The following OXR1 variants were observed in gnomAD, a reference collection of about 807,000 sequenced individuals.
OXR1 encodes oxidation resistance protein 1.
Under a neutral mutation model 104.6 loss-of-function variants are expected in OXR1, and 41 were observed. The observed-to-expected ratio is 0.39, with a 90% CI of 0.31 to 0.51. OXR1 has a LOEUF of 0.51. OXR1 is among the 20% of genes least tolerant of loss of function. OXR1 has a pLI of 0.77. For synonymous variants in OXR1, 348 were observed against 348.4 expected, an observed-to-expected ratio of 1.00 and a Z score of 0.01; for missense variants, 955 against 1,031.9, an observed-to-expected ratio of 0.93 and a Z score of 1.02.
At chr8:106,485,811 A>G (rs1302487823) in intron 2 of OXR1, among the ~76,000 whole-genome samples, 3 of 152,114 alleles carry the variant, frequency 2.0e-5, no homozygotes, top group Non-Finnish European at 4.4e-5. Context: ...TTGGGATAAC[A>G]TGGATGAACC....
intron 2 of OXR1, among the ~76,000 whole-genome samples, chr8:106,456,359 CTGGGCTTCT>C (rs1395922706): frequency 1.3e-5 from 2 of 152,012 alleles, no homozygotes; most frequent in African/African-American, 4.8e-5. Context: ...TAAGGATTTT[CTGGGCTTCT>C]AGTATACTCC....
chr8:106,686,846 T>C (rs1828782635), intron 6 of OXR1, among the ~76,000 whole-genome samples: 1 of 152,228 alleles, frequency 6.6e-6, no homozygotes, highest in Non-Finnish European at 1.5e-5. Flanking sequence ...AACTATTTTT[T>C]CTTTATTTTT....
At chr8:106,623,818 G>A (rs1207419047) in intron 3 of OXR1, among the ~76,000 whole-genome samples, 1 of 152,192 alleles carries the variant, frequency 6.6e-6, no homozygotes, top group Non-Finnish European at 1.5e-5. Context: ...GTTATTGAAA[G>A]GCTGTGTTGA....
intron 2 of OXR1, among the ~76,000 whole-genome samples, chr8:106,516,098 C>G (rs1263875374): frequency 6.6e-6 from 1 of 151,996 alleles, no homozygotes; most frequent in Non-Finnish European, 1.5e-5. Flanking sequence ...TTTCTCTGTT[C>G]CAGCCATTGT....
At chr8:106,566,208 T>A (rs1817060289) in intron 3 of OXR1, among the ~76,000 whole-genome samples, 1 of 151,896 alleles carries the variant, frequency 6.6e-6, no homozygotes, top group South Asian at 2.1e-4. Context: ...TGGGAGAAAA[T>A]TTTTGCCATC....
At chr8:106,360,810 C>T (rs945095799) in intron 2 of OXR1, among the ~76,000 whole-genome samples, 8 of 152,032 alleles carry the variant, frequency 5.3e-5, no homozygotes, top group Admixed American at 2.6e-4. Context: ...GACCTTGACA[C>T]GTTTCCTTAA....
At chr8:106,350,542 A>G (rs1184065739) in intron 1 of OXR1, among the ~76,000 whole-genome samples, 1 of 152,212 alleles carries the variant, frequency 6.6e-6, no homozygotes, top group Non-Finnish European at 1.5e-5. Context: ...CCATGAAATG[A>G]CTTTAATACA....
chr8:106,380,475 GTA>G (rs1046145032), intron 2 of OXR1, among the ~76,000 whole-genome samples: 1 of 152,116 alleles, frequency 6.6e-6, no homozygotes, highest in Non-Finnish European at 1.5e-5. Context: ...TTTCTCTTGG[GTA>G]TATACTTAGA....
rs954198018 is a variant in OXR1, at chr8:106,686,993, T to C, written c.525+2634T>C. 2.0e-5 allele frequency among the ~76,000 whole-genome samples: 3 copies of C among 152,296 alleles called. No individual in the cohort carries two copies. In the East Asian group the frequency reaches 5.8e-4, roughly 29 times the overall value. Reference sequence around the variant, plus strand: ...AAGCACTTTAAAAGTATTATTTATTTCTTATCTCAAATTTATGAGGTAGGC... The same window carrying C: ...AAGCACTTTAAAAGTATTATTTATTCCTTATCTCAAATTTATGAGGTAGGC... On this transcript the variant is annotated intron_variant, in intron 6 of 16. Transcript: ENST00000517566.
chr8:106,288,469 C>T (rs981593453), intron 1 of OXR1, among the ~76,000 whole-genome samples: 22 of 151,308 alleles, frequency 1.5e-4, no homozygotes, highest in East Asian at 3.9e-4. Flanking sequence ...CAGAATTGAT[C>T]GGAATTGATT....
chr8:106,548,876 A>G (rs1013689381), intron 3 of OXR1, among the ~76,000 whole-genome samples: 3 of 152,200 alleles, frequency 2.0e-5, no homozygotes, highest in Admixed American at 6.5e-5. Context: ...AAAATGTGCC[A>G]TTTCTGGCAG....
intron 6 of OXR1, among the ~76,000 whole-genome samples, chr8:106,689,573 T>A (rs1354185036): frequency 6.6e-6 from 1 of 151,962 alleles, no homozygotes; most frequent in East Asian, 1.9e-4. Context: ...TTCTAGAATT[T>A]TATATTTTTT....
intron 2 of OXR1, among the ~76,000 whole-genome samples, chr8:106,415,318 G>A (rs1230420469): frequency 3.3e-5 from 5 of 152,000 alleles, no homozygotes; most frequent in African/African-American, 7.3e-5. Context: ...GGTATTAATA[G>A]GCTTTGCCAA....
At chr8:106,401,734 T>C (rs1818010096) in intron 2 of OXR1, among the ~76,000 whole-genome samples, 2 of 152,132 alleles carry the variant, frequency 1.3e-5, no homozygotes, top group African/African-American at 4.8e-5. Context: ...CCCCTAGAAA[T>C]TTCACCTAAG....
At chr8:106,710,397 A>C (rs1831574939) in intron 9 of OXR1, among the ~76,000 whole-genome samples, 1 of 152,050 alleles carries the variant, frequency 6.6e-6, no homozygotes, top group African/African-American at 2.4e-5. Flanking sequence ...CCTTAGACAT[A>C]ATTTTTATTC....
intron 2 of OXR1, among the ~76,000 whole-genome samples, chr8:106,484,426 T>TA (rs1315735500): frequency 6.6e-6 from 1 of 152,012 alleles, no homozygotes; most frequent in African/African-American, 2.4e-5. Context: ...CATGTATTAA[T>TA]ACAACTATTA....
chr8:106,693,533 A>G (rs1829530027), intron 7 of OXR1, among the ~76,000 whole-genome samples: 1 of 149,042 alleles, frequency 6.7e-6, no homozygotes, highest in Non-Finnish European at 1.5e-5. Flanking sequence ...GGGTTCAAGC[A>G]ATTCTCCTGC....
chr8:106,284,459 AG>A (rs1812410804), intron 1 of OXR1, among the ~76,000 whole-genome samples: 1 of 152,158 alleles, frequency 6.6e-6, no homozygotes, highest in South Asian at 2.1e-4. Flanking sequence ...TCTTTGAAGC[AG>A]GGGGTGACAT....
At position 106,627,735 on chromosome 8, in the gene OXR1, G is replaced by C. The variant is rs879421506; in HGVS notation, c.221-51475G>C. 5.3e-5 allele frequency among the ~76,000 whole-genome samples: 8 copies of C among 152,236 alleles called. No individual in the cohort carries two copies. The East Asian group carries it at 1.5e-3, about 29-fold the overall frequency. ...TTTTCGGAGATGATTAAAACCTCAT[G>C]CCACTTAGCAATAAAGAGACCACCA... On this transcript the variant is annotated intron_variant, in intron 3 of 16. Transcript: ENST00000517566.
Sources: allele counts gnomAD v4.1 joint callset (sites outside exome capture counted in the v4.1 genomes callset), GRCh38; gene constraint gnomAD v4.1.1; transcripts MANE v1.5; gene names NCBI Gene and HGNC (gene_info 2026-07-23, HGNC 2026-07-21).